ZZEF1: variants seen among roughly 807,000 people sequenced by gnomAD.
The protein encoded by ZZEF1 is zinc finger ZZ-type and EF-hand domain-containing protein 1.
A neutral mutation model predicts 342.8 loss-of-function variants in ZZEF1; 157 were observed. That is an observed-to-expected ratio of 0.46 (90% CI 0.40 to 0.52). The LOEUF is 0.52. Ranked by LOEUF, ZZEF1 falls within the 20% of genes least tolerant of loss-of-function variation. The pLI, the probability that ZZEF1 is intolerant of heterozygous loss-of-function variation, is 0.00. For missense variants in ZZEF1, 3,480 were observed against 3,725.6 expected (o/e 0.93, Z 1.72); for synonymous variants, 1,505 against 1,429.1 (o/e 1.05, Z -1.20).
chr17:4,084,150 A>G (rs2057776928), intron 16 of ZZEF1, among the ~76,000 whole-genome samples: 1 of 152,202 alleles, frequency 6.6e-6, no homozygotes, highest in Non-Finnish European at 1.5e-5. Context: ...GTGATCCATC[A>G]AATACATTGC....
intron 37 of ZZEF1, among the ~76,000 whole-genome samples, chr17:4,048,747 G>GCA (rs1403380789): frequency 2.6e-5 from 4 of 152,054 alleles, no homozygotes; most frequent in Non-Finnish European, 5.9e-5. Context: ...ATGGAGTCTT[G>GCA]CTGTCGCCCA....
chr17:4,080,979 A>G (rs1384127709), intron 18 of ZZEF1, among the ~76,000 whole-genome samples: 1 of 152,180 alleles, frequency 6.6e-6, no homozygotes, highest in Non-Finnish European at 1.5e-5. Context: ...GCTCACACCT[A>G]TAATCCCAAC....
At position 4,088,712 on chromosome 17, in the gene ZZEF1, G is replaced by A. The variant is rs1312354847; in HGVS notation, c.2207C>T (p.Thr736Ile). Reference sequence around the variant, plus strand: ...GGCGAGCTGCTGGATAAACTGAAGGGTCCTGAGGAGCAACGTGGCCCCACA... The same window carrying A: ...GGCGAGCTGCTGGATAAACTGAAGGATCCTGAGGAGCAACGTGGCCCCACA... ...SVCGATLLLR[T>I]LQFIQQLAHD... The change falls in exon 13 of 55, where the codon ACC becomes ATC. Residue 736 changes from threonine to isoleucine, a missense_variant. Physicochemically the swap from Thr to Ile is moderately conservative, Grantham distance 89 (BLOSUM62 -1). Transcript: ENST00000381638. 1.2e-6 allele frequency: 2 copies of A among 1,614,158 alleles called. No homozygotes were observed. The highest frequency in any genetic ancestry group is 1.3e-5 in the African/African-American group (1 of 75,048).
chr17:4,081,528 G>C (rs2057724301), intron 17 of ZZEF1, 38 bp from the exon 18 acceptor site: 1 of 1,521,014 alleles, frequency 6.6e-7, no homozygotes, highest in African/African-American at 1.4e-5. Flanking sequence ...CCTGGCTTCA[G>C]GAGAAAGATT....
At chr17:4,071,299 T>C (rs2057504085) in intron 25 of ZZEF1, 2 of 190,840 alleles carry the variant, frequency 1.0e-5, no homozygotes, top group South Asian at 2.1e-4. Context: ...CTGAGGAACA[T>C]AACCATTAGC....
intron 1 of ZZEF1, among the ~76,000 whole-genome samples, chr17:4,127,417 T>C (rs556420089): frequency 6.6e-6 from 1 of 152,280 alleles, no homozygotes; most frequent in East Asian, 1.9e-4. Flanking sequence ...TAATGAAATA[T>C]TTATGGATGA....
intron 15 of ZZEF1, 100 bp from the exon 16 acceptor site, chr17:4,085,903 CT>C: frequency 6.9e-7 from 1 of 1,446,956 alleles, no homozygotes; most frequent in Non-Finnish European, 9.4e-7. Context: ...CCATTTTGTA[CT>C]TAATACCAGA....
At position 4,114,471 on chromosome 17, in the gene ZZEF1, C is replaced by T; in HGVS notation, c.695-1G>A. ...CTTCTAGTTAGATCTCCAGGGCTTT[C>T]TGTAGGGGAAACCAGAGTTGATTAT... is the stretch of plus-strand genomic sequence containing the variant. On this transcript the variant is annotated splice_acceptor_variant, in intron 3 of 54. Transcript: ENST00000381638. LOFTEE classifies it high-confidence loss of function. The T allele has an allele frequency of 6.6e-7, 1 of 1,516,648 alleles. No homozygotes were observed. Among genetic ancestry groups the T allele is most frequent in the Non-Finnish European group, 8.8e-7 (1 of 1,130,086 alleles). The allele number at this position is 1,516,648 out of a possible 1,614,324, so 93.9% of individuals were successfully genotyped here. A position where few individuals can be genotyped will look rare whatever the true frequency, so the allele number is the denominator to read the frequency against.
chr17:4,044,335 A>G lies in ZZEF1; in HGVS notation c.6055T>C (p.Phe2019Leu). ...TTATCTGCCTTATTTCTCTGCTTGA[A>G]ATCTACAGGTCTGATTTCCTCATGA... ...AVHEEIRPVD[F>L]KQRNKADKGV... is the part of the protein sequence containing the mutation. The change falls in exon 38 of 55, where the codon TTC becomes CTC. Residue 2019 changes from phenylalanine to leucine, a missense_variant. Physicochemically the swap from Phe to Leu is conservative, Grantham distance 22. Transcript: ENST00000381638. The G allele has an allele frequency of 6.2e-7, 1 of 1,614,046 alleles. No homozygotes were observed. Among genetic ancestry groups the G allele is most frequent in the East Asian group, 2.2e-5 (1 of 44,876 alleles).
intron 15 of ZZEF1, 84 bp from the exon 16 acceptor site, chr17:4,085,887 T>C (rs528529160): frequency 4.6e-6 from 7 of 1,530,530 alleles, no homozygotes; most frequent in Non-Finnish European, 6.2e-6. Flanking sequence ...ATAAATTCAC[T>C]ACTCTCCATT....
rs71144157 is a variant in ZZEF1 at position 4,048,873 on chromosome 17, ATTTT to A, written c.6015+831_6015+834del. The stretch of plus-strand genomic sequence containing the variant: ...CAGGCACGTGACACCAGCCTGGATA[ATTTT>A]TTTTTTTTTTTTTTGTATTTTTAGT... On this transcript the variant is annotated intron_variant, in intron 37 of 54. Coordinates refer to ENST00000381638, the MANE Select transcript of ZZEF1 (RefSeq NM_015113.4). 1.3e-4 allele frequency among the ~76,000 whole-genome samples: 17 copies of A among 133,746 alleles called. No individual in the cohort carries two copies. The South Asian group carries it at 2.7e-3, about 21-fold the overall frequency. 87.7% of individuals were successfully genotyped at this position (133,746 alleles called of 152,430 possible). A position where few individuals can be genotyped will look rare whatever the true frequency, so the allele number is the denominator to read the frequency against.
chr17:4,014,052 C>T lies in ZZEF1; in HGVS notation c.8413+38G>A. ...ACCCACAGCCATGGAGTGTCCCTGG[C>T]AGGCAGATGGTGTGAACGCAAAGCC... On this transcript the variant is annotated intron_variant, in intron 51 of 54. Transcript: ENST00000381638. The surrounding 1 kb of genome is among the most constrained non-coding windows in gnomAD (Gnocchi z 4.4). 1 of 1,586,940 alleles carries T rather than the reference C, an allele frequency of 6.3e-7. No homozygotes were observed. The highest frequency in any genetic ancestry group is 8.7e-7 in the Non-Finnish European group (1 of 1,155,878).
At chr17:4,131,154 G>A (rs992194989) in intron 1 of ZZEF1, among the ~76,000 whole-genome samples, 1 of 152,054 alleles carries the variant, frequency 6.6e-6, no homozygotes, top group Non-Finnish European at 1.5e-5. Context: ...CCACCAGAAC[G>A]AAGAAATATG....
At chr17:4,064,898 G>A in intron 28 of ZZEF1, 69 bp from the exon 29 acceptor site, 1 of 1,192,774 alleles carries the variant, frequency 8.4e-7, no homozygotes, top group Non-Finnish European at 1.2e-6. Context: ...GGAGGGGAGA[G>A]GGATAGCATT....
At position 4,004,458 on chromosome 17, in the gene ZZEF1, A is replaced by C. The variant is rs2055761929; in HGVS notation, c.*2432T>G. 6.6e-6 allele frequency: 1 copy of C among 152,326 alleles called. No individual in the cohort carries two copies. Among genetic ancestry groups the C allele is most frequent in the Non-Finnish European group, 1.5e-5 (1 of 68,056 alleles). The allele number at this position is 152,326 out of a possible 1,614,324, so 9.4% of individuals were successfully genotyped here. ...CACACACAGGCGTACCTTATTATAT[A>C]GAATTTGTACAATATATTTCTTTTC... On this transcript the variant is annotated 3_prime_UTR_variant, in exon 55 of 55. Transcript: ENST00000381638.
At chr17:4,099,475 G>A (rs2058090811) in intron 9 of ZZEF1, among the ~76,000 whole-genome samples, 1 of 151,612 alleles carries the variant, frequency 6.6e-6, no homozygotes, top group South Asian at 2.1e-4. Context: ...TCCCACCTCT[G>A]CCTCCCAAAG....
rs78057580 is a variant in ZZEF1, at chr17:4,061,136, T to C, written c.4883+1617A>G. Among the ~76,000 whole-genome samples the C allele has an allele frequency of 1.4e-4, 22 of 152,404 alleles. No individual in the cohort carries two copies. In the East Asian group the frequency reaches 4.2e-3, roughly 29 times the overall value. On this transcript the variant is annotated intron_variant, in intron 30 of 54. Coordinates refer to ENST00000381638, the MANE Select transcript of ZZEF1 (RefSeq NM_015113.4). ...TTTTGGCCAATGGCTCCAGTAAGAC[T>C]GCTGTCAAATCCAGTGTGTTTTTAT... is the stretch of plus-strand genomic sequence containing the variant.
chr17:4,142,759 G>A lies in ZZEF1; in HGVS notation c.137C>T (p.Pro46Leu). 1 of 1,472,862 alleles carries A rather than the reference G, an allele frequency of 6.8e-7. No homozygotes were observed. The highest frequency in any genetic ancestry group is 8.9e-7 in the Non-Finnish European group (1 of 1,119,150). 91.2% of individuals were successfully genotyped at this position (1,472,862 alleles called of 1,614,324 possible). A position where few individuals can be genotyped will look rare whatever the true frequency, so the allele number is the denominator to read the frequency against. Reference protein sequence around the residue: ...GPGVAAPALPPAAALLEPARL... With the variant: ...GPGVAAPALPLAAALLEPARL... ...GGCCGGCTCCAGCAGCGCCGCGGCG[G>A]GTGGTAGCGCTGGAGCCGCGACGCC... The change falls in exon 1 of 55, where the codon CCC (proline) becomes CTC (leucine). Residue 46 changes from proline to leucine, a missense_variant. By Grantham distance (98) the Pro-to-Leu change is moderately conservative. Around this residue, in one of 5 missense-constraint regions of ZZEF1, gnomAD observed 416 missense variants for 374.2 expected, o/e 1.11. Transcript: ENST00000381638.
rs755516543 is a variant in ZZEF1 at position 4,070,719 on chromosome 17, C to T, written c.4040G>A (p.Arg1347His). 3.7e-6 allele frequency: 6 copies of T among 1,614,052 alleles called. No homozygotes were observed. Among genetic ancestry groups the T allele is most frequent in the African/African-American group, 1.3e-5 (1 of 74,998 alleles). Residue 1347 changes from arginine to histidine, a missense_variant, in exon 26 of 55, where the codon CGC becomes CAC. Physicochemically the swap from Arg to His is conservative, Grantham distance 29. Transcript: ENST00000381638. ...VNATFAALVY[R>H]TPDLYEKLQK... The stretch of plus-strand genomic sequence containing the variant: ...CAGCTTCTCATATAAATCTGGAGTG[C>T]GATACACCAGAGCAGCAAAGGTGGC...
Sources: gnomAD v4.1 joint callset for allele counts (sites outside exome capture counted in the v4.1 genomes callset) on GRCh38, gnomAD v4.1.1 for gene constraint, gnomAD v4.1.1 regional missense constraint, Gnocchi (gnomAD v3.1) non-coding constraint, MANE v1.5 for transcripts, NCBI Gene and HGNC (gene_info 2026-07-23, HGNC 2026-07-21) for gene names.